Variants in HEATR1 observed in about 807,000 individuals in gnomAD.
HEATR1 encodes HEAT repeat-containing protein 1.
Under a neutral mutation model 248.2 loss-of-function variants are expected in HEATR1, and 77 were observed. That is an observed-to-expected ratio of 0.31 (90% CI 0.26 to 0.37). The LOEUF is 0.37. Ranked by LOEUF, HEATR1 falls within the 10% of genes least tolerant of loss-of-function variation. The pLI is 1.00. For synonymous variants in HEATR1, 897 were observed against 923.1 expected, an observed-to-expected ratio of 0.97 and a Z score of 0.51; for missense variants, 2,420 against 2,504.9, an observed-to-expected ratio of 0.97 and a Z score of 0.72.
intron 36 of HEATR1, 39 bp from the exon 37 acceptor site, chr1:236,557,384 G>T (rs781307639): frequency 9.3e-6 from 15 of 1,607,048 alleles, no homozygotes; most frequent in Non-Finnish European, 4.3e-6. Context: ...ACTTGAAGCA[G>T]AAACAGAGGC....
chr1:236,555,630 G>A lies in HEATR1; in HGVS notation c.5675C>T (p.Thr1892Met), dbSNP rs201518919. The change falls in exon 40 of 45, where the codon ACG becomes ATG. Residue 1892 changes from threonine to methionine, a missense_variant. Transcript: ENST00000366582. The part of the protein sequence containing the change: ...SENDLEEVGK[T>M]ENCIIDCLVA... ...TAGACAGTCAATGATACAATTTTCC[G>A]TTTTTCCAACTTCCTCCAGATCGTT... 2.3e-5 allele frequency: 37 copies of A among 1,614,090 alleles called. No individual in the cohort carries two copies. Among genetic ancestry groups the A allele is most frequent in the Middle Eastern group, 1.6e-4 (1 of 6,084 alleles).
intron 36 of HEATR1, among the ~76,000 whole-genome samples, chr1:236,557,749 A>G (rs1207634799): frequency 2.0e-5 from 3 of 152,168 alleles, no homozygotes; most frequent in Non-Finnish European, 4.4e-5. Context: ...TCTAACTTCC[A>G]AATTTGGCAG....
chr1:236,574,868 T>G lies in HEATR1; in HGVS notation c.3120A>C (p.Gln1040His). ...VLSQLLPMAEQLLEKIQKEPT... is the reference protein window; with the variant it reads ...VLSQLLPMAEHLLEKIQKEPT... ...GCTCCTTCTGGATCTTTTCTAGCAG[T>G]TGTTCAGCCATAGGCAATAGCTGAG... The change falls in exon 23 of 45, where the codon CAA (glutamine) becomes CAC (histidine). Residue 1040 changes from glutamine (Q) to histidine (H), a missense_variant. Physicochemically the swap from Gln to His is conservative, Grantham distance 24. Coordinates refer to ENST00000366582, the MANE Select transcript of HEATR1 (RefSeq NM_018072.6). 6.2e-7 allele frequency: 1 copy of G among 1,613,806 alleles called. No homozygotes were observed. The highest frequency in any genetic ancestry group is 8.5e-7 in the Non-Finnish European group (1 of 1,179,770).
At chr1:236,561,531 T>G (rs1181534946) in intron 32 of HEATR1, among the ~76,000 whole-genome samples, 1 of 152,202 alleles carries the variant, frequency 6.6e-6, no homozygotes, top group Non-Finnish European at 1.5e-5. Context: ...CAACACTCAA[T>G]TAGCACTACC....
At chr1:236,572,916 TCA>T in intron 24 of HEATR1, 88 bp from the exon 25 acceptor site, 1 of 1,197,564 alleles carries the variant, frequency 8.4e-7, no homozygotes, top group Non-Finnish European at 1.2e-6. Context: ...AAGGATTTAT[TCA>T]ATTAAGAGGG....
chr1:236,551,823 A>C (rs930544838), intron 44 of HEATR1, 176 bp downstream of exon 44: 3 of 563,320 alleles, frequency 5.3e-6, no homozygotes, highest in Non-Finnish European at 9.5e-6. Context: ...CCTCCACCCA[A>C]CTCAAAACAG....
At chr1:236,585,758 C>T in intron 16 of HEATR1, 62 bp downstream of exon 16, 1 of 1,528,480 alleles carries the variant, frequency 6.5e-7, no homozygotes, top group Non-Finnish European at 8.8e-7. Flanking sequence ...AAAGCAAAAG[C>T]TGAGAATTTA....
chr1:236,594,377 CA>C (rs1664120405), intron 8 of HEATR1, among the ~76,000 whole-genome samples: 1 of 152,118 alleles, frequency 6.6e-6, no homozygotes, highest in Admixed American at 6.5e-5. Context: ...AATAACAAAA[CA>C]AAAGTCCAAA....
At chr1:236,571,009 A>G (rs1333853309) in intron 28 of HEATR1, among the ~76,000 whole-genome samples, 3 of 152,248 alleles carry the variant, frequency 2.0e-5, no homozygotes, top group Non-Finnish European at 2.9e-5. Context: ...GATAAATGAG[A>G]TATTAACTTT....
In HEATR1 at chr1:236,574,262, A is replaced by G; in HGVS notation, c.3399T>C (p.Asp1133=). ...VQQKLLRMLF[D]LLVNCKNSHC... Reference sequence around the variant, plus strand: ...GTGAGTTTTTACAGTTCACCAATAAATCAAACAACATTCTTAAAAGCTTCT... The same window carrying G: ...GTGAGTTTTTACAGTTCACCAATAAGTCAAACAACATTCTTAAAAGCTTCT... The change falls in exon 24 of 45, where the codon GAT becomes GAC. Residue 1133 remains aspartate (D), a synonymous_variant. Transcript: ENST00000366582. 1 of 1,613,040 alleles carries G rather than the reference A, an allele frequency of 6.2e-7. No individual in the cohort carries two copies. The highest frequency in any genetic ancestry group is 8.5e-7 in the Non-Finnish European group (1 of 1,179,512).
At position 236,597,870 on chromosome 1, in the gene HEATR1, C is replaced by G. The variant is rs1255916011; in HGVS notation, c.603+8G>C. The stretch of plus-strand genomic sequence containing the variant: ...TAAAATTATATACTCATGAAACAGA[C>G]TGCTCACCTTCACAGATTTTGTCAC... On this transcript the variant is annotated splice_region_variant and intron_variant, in intron 5 of 44. Coordinates refer to ENST00000366582, the MANE Select transcript of HEATR1 (RefSeq NM_018072.6). The G allele has an allele frequency of 6.3e-7, 1 of 1,582,892 alleles. No individual in the cohort carries two copies. Among genetic ancestry groups the G allele is most frequent in the Non-Finnish European group, 8.7e-7 (1 of 1,152,358 alleles).
intron 17 of HEATR1, among the ~76,000 whole-genome samples, chr1:236,584,814 C>T (rs569165213): frequency 7.2e-5 from 11 of 152,180 alleles, no homozygotes; most frequent in African/African-American, 2.6e-4. Flanking sequence ...ATATTGCAAC[C>T]CTAAAATTTT....
At chr1:236,578,677 T>C (rs747696500) in intron 20 of HEATR1, among the ~76,000 whole-genome samples, 7 of 152,218 alleles carry the variant, frequency 4.6e-5, no homozygotes, top group Non-Finnish European at 1.0e-4. Context: ...TAGAGCCTAT[T>C]TGCGAATATT....
At chr1:236,597,183 T>C (rs1664199686) in intron 5 of HEATR1, among the ~76,000 whole-genome samples, 1 of 151,614 alleles carries the variant, frequency 6.6e-6, no homozygotes, top group Non-Finnish European at 1.5e-5. Context: ...AATTACCATA[T>C]GCAACAATGA....
At position 236,574,411 on chromosome 1, in the gene HEATR1, C is replaced by T; in HGVS notation, c.3328-78G>A. The T allele has an allele frequency of 3.4e-6, 5 of 1,463,680 alleles. No individual in the cohort carries two copies. In the South Asian group the frequency reaches 6.2e-5, roughly 18 times the overall value. The allele number at this position is 1,463,680 out of a possible 1,614,324, so 90.7% of individuals were successfully genotyped here. On this transcript the variant is annotated intron_variant, in intron 23 of 44. Coordinates refer to ENST00000366582, the MANE Select transcript of HEATR1 (RefSeq NM_018072.6). ...AGAAATAATTTTTATATCAACCTCT[C>T]TCAAAATACAAAATTGTTTCCCACT...
intron 43 of HEATR1, among the ~76,000 whole-genome samples, chr1:236,553,353 G>A (rs763443552): frequency 9.2e-5 from 14 of 152,154 alleles, no homozygotes; most frequent in Non-Finnish European, 1.5e-4. Flanking sequence ...ATTGGGGTGG[G>A]GATAGGGCAT....
chr1:236,558,978 C>A lies in HEATR1; in HGVS notation c.4911+17G>T. 1 of 1,589,744 alleles carries A rather than the reference C, an allele frequency of 6.3e-7. No individual in the cohort carries two copies. The highest frequency in any genetic ancestry group is 1.2e-5 in the South Asian group (1 of 86,122). Reference sequence around the variant, plus strand: ...AGCAAAGTACAGTAAATGGGTGTGTCCTGGGTCTTCACTCACTATTGTCTT... The same window carrying A: ...AGCAAAGTACAGTAAATGGGTGTGTACTGGGTCTTCACTCACTATTGTCTT... On this transcript the variant is annotated intron_variant, in intron 35 of 44. Transcript: ENST00000366582.
At chr1:236,565,892 A>C (rs1227404216) in intron 31 of HEATR1, 27 bp downstream of exon 31, 9 of 1,599,586 alleles carry the variant, frequency 5.6e-6, no homozygotes, top group East Asian at 2.2e-5. Context: ...CAGATTGAAC[A>C]GTAAGTGACA....
At chr1:236,576,654 A>C in intron 21 of HEATR1, 126 bp downstream of exon 21, 1 of 834,986 alleles carries the variant, frequency 1.2e-6, no homozygotes, top group Non-Finnish European at 1.8e-6. Flanking sequence ...ATATTGACCT[A>C]TCAGTTCCTA....
Sources: allele counts gnomAD v4.1 joint callset (sites outside exome capture counted in the v4.1 genomes callset), GRCh38; gene constraint gnomAD v4.1.1; transcripts MANE v1.5; gene names NCBI Gene and HGNC (gene_info 2026-07-23, HGNC 2026-07-21).